The following JAZF1 variants were observed in gnomAD, a reference collection of about 807,000 sequenced individuals.
JAZF1 encodes JAZF zinc finger 1, also known as juxtaposed with another zinc finger protein 1.
Under a neutral mutation model 26.4 loss-of-function variants are expected in JAZF1, and 8 were observed. The ratio of observed to expected loss-of-function variants is 0.30; its 90% CI spans 0.18 to 0.55. The LOEUF (loss-of-function observed/expected upper bound fraction) is 0.55, where lower values mean the gene tolerates loss of function less well. Ranked by LOEUF, JAZF1 falls within the 20% of genes least tolerant of loss-of-function variation. The pLI is 0.94. For missense variants in JAZF1, 199 were observed against 322.0 expected, an observed-to-expected ratio of 0.62 and a Z score of 2.92; for synonymous variants, 126 against 122.3, an observed-to-expected ratio of 1.03 and a Z score of -0.20.
At chr7:27,912,057 T>A (rs1301686941) in intron 2 of JAZF1, among the ~76,000 whole-genome samples, 5 of 152,024 alleles carry the variant, frequency 3.3e-5, no homozygotes, top group African/African-American at 1.2e-4. Context: ...AGAATGGGGG[T>A]GTACTGGGAG....
chr7:28,097,372 T>C lies in JAZF1; in HGVS notation c.115+83091A>G, dbSNP rs558685683. Among the ~76,000 whole-genome samples the C allele has an allele frequency of 6.5e-4, 99 of 152,312 alleles. No individual in the cohort carries two copies. In the Middle Eastern group the frequency reaches 0.01, roughly 16 times the overall value. ...GCCATTTGTTTAAACACATACAACATCAGCCTCCATTAAAATGATTACAGC... is the reference window on the plus strand; with the variant it reads ...GCCATTTGTTTAAACACATACAACACCAGCCTCCATTAAAATGATTACAGC... On this transcript the variant is annotated intron_variant, in intron 1 of 4. Transcript: ENST00000283928.
At position 28,161,007 on chromosome 7, in the gene JAZF1, C is replaced by T. The variant is rs188491387; in HGVS notation, c.115+19456G>A. Among the ~76,000 whole-genome samples, 480 of 152,182 alleles carry T rather than the reference C, an allele frequency of 3.2e-3. 3 individuals carry two copies. Among genetic ancestry groups the T allele is most frequent in the African/African-American group, 0.011 (461 of 41,542 alleles). On this transcript the variant is annotated intron_variant, in intron 1 of 4. Transcript: ENST00000283928. ...AGAATGTAGCTGTGGATCTCAACGT[C>T]TAAGTCTGAACTCTGGTTATGTTCT...
Position 27,831,370 on chromosome 7 carries a change from T to C in JAZF1, c.*1430A>G, listed in dbSNP as rs1940764297. 8.8e-6 allele frequency: 2 copies of C among 227,354 alleles called. No homozygotes were observed. The highest frequency in any genetic ancestry group is 2.2e-5 in the African/African-American group (1 of 45,022). The allele number at this position is 227,354 out of a possible 1,614,324, so 14.1% of individuals were successfully genotyped here. On this transcript the variant is annotated 3_prime_UTR_variant, in exon 5 of 5. Transcript: ENST00000283928. ...AAACTTTATAAGCAATTTGAGTTTG[T>C]TTTATGGGCAGTTAGCTATCTCAAA...
chr7:27,937,669 T>C (rs964809000), intron 2 of JAZF1, among the ~76,000 whole-genome samples: 1 of 152,238 alleles, frequency 6.6e-6, no homozygotes, highest in Non-Finnish European at 1.5e-5. Flanking sequence ...CTTGGTTTTA[T>C]GGATGGATGT....
At chr7:27,889,186 C>CA (rs1783923966) in intron 3 of JAZF1, among the ~76,000 whole-genome samples, 1 of 152,104 alleles carries the variant, frequency 6.6e-6, no homozygotes, top group Non-Finnish European at 1.5e-5. Flanking sequence ...CCAGCTGAAT[C>CA]AGAGTGGCTG....
chr7:27,983,472 G>C (rs1290752256), intron 2 of JAZF1, among the ~76,000 whole-genome samples: 1 of 152,214 alleles, frequency 6.6e-6, no homozygotes, highest in African/African-American at 2.4e-5. Flanking sequence ...ATCTACGTCT[G>C]ATTGGTGTAC....
intron 1 of JAZF1, among the ~76,000 whole-genome samples, chr7:28,082,816 C>T (rs563964429): frequency 7.2e-5 from 11 of 152,228 alleles, no homozygotes; most frequent in African/African-American, 7.2e-5. Flanking sequence ...GCCTTTGCCT[C>T]GGTGCCACCA....
chr7:27,990,308 T>C (rs1469235181), intron 2 of JAZF1, among the ~76,000 whole-genome samples: 2 of 152,132 alleles, frequency 1.3e-5, no homozygotes, highest in African/African-American at 2.4e-5. Flanking sequence ...GTGAGAGGGA[T>C]AGCATTAGGA....
rs1442813328 is a variant in JAZF1, at chr7:27,979,124, G to A, written c.188+12785C>T. 3.3e-5 allele frequency among the ~76,000 whole-genome samples: 5 copies of A among 152,062 alleles called. No individual in the cohort carries two copies. The East Asian group carries it at 9.6e-4, about 29-fold the overall frequency. On this transcript the variant is annotated intron_variant, in intron 2 of 4. Transcript: ENST00000283928. ...AGGGAGTCCTACAAAGAGAACGAGAGTAGATCTGTAACTAAGTTATAAGAA... is the reference window on the plus strand; with the variant it reads ...AGGGAGTCCTACAAAGAGAACGAGAATAGATCTGTAACTAAGTTATAAGAA...
chr7:27,945,267 C>T (rs1784909748), intron 2 of JAZF1, among the ~76,000 whole-genome samples: 1 of 152,112 alleles, frequency 6.6e-6, no homozygotes, highest in East Asian at 1.9e-4. Flanking sequence ...CTTTATGCGG[C>T]ATTATGACAG....
At chr7:28,011,890 A>C (rs943913487) in intron 1 of JAZF1, among the ~76,000 whole-genome samples, 1 of 152,176 alleles carries the variant, frequency 6.6e-6, no homozygotes, top group South Asian at 2.1e-4. Flanking sequence ...AAGGGACTTA[A>C]GGGATGGGAG....
intron 1 of JAZF1, among the ~76,000 whole-genome samples, chr7:28,026,820 T>C (rs767615696): frequency 6.6e-6 from 1 of 152,200 alleles, no homozygotes; most frequent in Non-Finnish European, 1.5e-5. Context: ...AGCACCTCCT[T>C]ACTGGTGAGT....
At chr7:27,987,076 C>T (rs1371560525) in intron 2 of JAZF1, among the ~76,000 whole-genome samples, 1 of 152,020 alleles carries the variant, frequency 6.6e-6, no homozygotes, top group East Asian at 1.9e-4. Context: ...CCGGCCGCCA[C>T]CCCATCTGGG....
chr7:28,060,425 G>C (rs1562573966), intron 1 of JAZF1, among the ~76,000 whole-genome samples: 1 of 152,120 alleles, frequency 6.6e-6, no homozygotes, highest in Non-Finnish European at 1.5e-5. Flanking sequence ...GATTCTTTAT[G>C]GTCAAATAAA....
At chr7:28,073,413 G>A (rs1288424915) in intron 1 of JAZF1, among the ~76,000 whole-genome samples, 5 of 152,084 alleles carry the variant, frequency 3.3e-5, no homozygotes, top group Non-Finnish European at 5.9e-5. Flanking sequence ...AGGCAAGGGC[G>A]CACCCAAGGA....
At chr7:27,891,795 T>G (rs575201529) in intron 3 of JAZF1, among the ~76,000 whole-genome samples, 6 of 152,162 alleles carry the variant, frequency 3.9e-5, no homozygotes, top group African/African-American at 1.4e-4. Context: ...ATAGCATCAC[T>G]GCACTCCAGC....
At chr7:27,844,778 A>G (rs888379171) in intron 3 of JAZF1, among the ~76,000 whole-genome samples, 1 of 152,232 alleles carries the variant, frequency 6.6e-6, no homozygotes, top group African/African-American at 2.4e-5. Flanking sequence ...CCTGCATGCC[A>G]GCTGGGGCTC....
At chr7:27,917,039 G>A (rs1784453351) in intron 2 of JAZF1, among the ~76,000 whole-genome samples, 1 of 152,212 alleles carries the variant, frequency 6.6e-6, no homozygotes, top group South Asian at 2.1e-4. Flanking sequence ...GGGAGCTGGA[G>A]ACCAGCCTGG....
intron 3 of JAZF1, among the ~76,000 whole-genome samples, chr7:27,856,643 TC>T (rs922607033): frequency 1.3e-5 from 2 of 152,178 alleles, no homozygotes; most frequent in African/African-American, 4.8e-5. Flanking sequence ...GTTCTCCATG[TC>T]CCCACCAGAT....
Sources: allele counts gnomAD v4.1 joint callset (sites outside exome capture counted in the v4.1 genomes callset), GRCh38; gene constraint gnomAD v4.1.1; transcripts MANE v1.5; gene names NCBI Gene and HGNC (gene_info 2026-07-23, HGNC 2026-07-21).